Variants in ERCC6L2 observed in about 807,000 individuals in gnomAD.
ERCC6L2 encodes ERCC excision repair 6 like 2, also known as DNA excision repair protein ERCC-6-like 2.
Under a neutral mutation model 132.0 loss-of-function variants are expected in ERCC6L2, and 77 were observed. That is an observed-to-expected ratio of 0.58 (90% CI 0.49 to 0.71). The LOEUF is 0.71. Among genes scored for constraint, ERCC6L2 ranks in the 30% least tolerant of loss-of-function variants. The probability of loss-of-function intolerance (pLI) is 0.00; values close to 1 mark genes in which losing one functional copy is unlikely to be tolerated. For missense variants in ERCC6L2, 1,542 were observed against 1,837.6 expected (o/e 0.84, Z 2.94); for synonymous variants, 583 against 632.4 (o/e 0.92, Z 1.17).
intron 17 of ERCC6L2, 144 bp downstream of exon 17, chr9:95,978,359 A>G (rs1832759873): frequency 9.8e-6 from 4 of 409,790 alleles, no homozygotes; most frequent in South Asian, 8.6e-5. Context: ...TCAAAACACC[A>G]TTTGGGAACT....
chr9:95,930,125 T>A (rs1830272772), intron 11 of ERCC6L2, among the ~76,000 whole-genome samples: 1 of 152,166 alleles, frequency 6.6e-6, no homozygotes, highest in African/African-American at 2.4e-5. Context: ...CTCTTGCTTA[T>A]GGTTGATAGT....
chr9:96,004,642 A>T lies in ERCC6L2; in HGVS notation c.3615A>T (p.Lys1205Asn). 7.5e-7 allele frequency: 1 copy of T among 1,335,608 alleles called. No homozygotes were observed. Among genetic ancestry groups the T allele is most frequent in the Non-Finnish European group, 1.0e-6 (1 of 1,004,648 alleles). The allele number at this position is 1,335,608 out of a possible 1,614,324, so 82.7% of individuals were successfully genotyped here. A position where few individuals can be genotyped will look rare whatever the true frequency, so the allele number is the denominator to read the frequency against. Residue 1205 changes from lysine (K) to asparagine (N), a missense_variant, in exon 18 of 19, where the codon AAA (lysine) becomes AAT (asparagine). Coordinates refer to ENST00000653738, the MANE Select transcript of ERCC6L2 (RefSeq NM_020207.7). ...ATCCTGTAAACCAGAAGAAGAAAAA[A>T]GTCTACCATACAAACCAGACCACCT... ...ISNPVNQKKK[K>N]VYHTNQTTFI...
intron 3 of ERCC6L2, among the ~76,000 whole-genome samples, chr9:95,899,636 A>G (rs979726217): frequency 6.5e-4 from 72 of 111,206 alleles, no homozygotes; most frequent in South Asian, 2.3e-3. Flanking sequence ...GTGTGTGCGT[A>G]TGTATGCATA....
At chr9:95,890,223 A>G (rs1828087277) in intron 2 of ERCC6L2, among the ~76,000 whole-genome samples, 1 of 152,084 alleles carries the variant, frequency 6.6e-6, no homozygotes, top group Non-Finnish European at 1.5e-5. Context: ...TAATAAATAT[A>G]TTTTTATTGA....
At chr9:95,978,020 TA>T in intron 16 of ERCC6L2, 40 bp from the exon 17 acceptor site, 1 of 1,315,662 alleles carries the variant, frequency 7.6e-7, no homozygotes, top group Non-Finnish European at 1.0e-6. Flanking sequence ...CATATTGCTT[TA>T]TACTGATACA....
chr9:95,917,020 AG>A (rs1829631208), intron 6 of ERCC6L2, among the ~76,000 whole-genome samples: 1 of 152,144 alleles, frequency 6.6e-6, no homozygotes. Context: ...TCCCCAGTAA[AG>A]AAGGAAGAGC....
In ERCC6L2 at chr9:96,014,350, G is replaced by C. The variant is rs1182282530; in HGVS notation, c.*1147G>C. 6.6e-6 allele frequency: 1 copy of C among 152,216 alleles called. No individual in the cohort carries two copies. Among genetic ancestry groups the C allele is most frequent in the Non-Finnish European group, 1.5e-5 (1 of 68,044 alleles). The allele number at this position is 152,216 out of a possible 1,614,324, so 9.4% of individuals were successfully genotyped here. ...TGCTAAAGAGCACTGCTATCAAGTT[G>C]AGGAGAGAGGGCTTCCGTGTACTCA... is the stretch of plus-strand genomic sequence containing the variant. On this transcript the variant is annotated 3_prime_UTR_variant, in exon 19 of 19. Transcript: ENST00000653738.
Position 95,943,495 on chromosome 9 carries a change from G to A in ERCC6L2, c.1847+1946G>A, listed in dbSNP as rs1388345730. 2.0e-5 allele frequency among the ~76,000 whole-genome samples: 3 copies of A among 151,872 alleles called. No homozygotes were observed. The South Asian group carries it at 6.2e-4, about 32-fold the overall frequency. On this transcript the variant is annotated intron_variant, in intron 12 of 18. Transcript: ENST00000653738. ...ATTCTGTTTATGTAGATGTAGAATGGGACTCAACATTCTACGTTTTAAAAA... is the reference window on the plus strand; with the variant it reads ...ATTCTGTTTATGTAGATGTAGAATGAGACTCAACATTCTACGTTTTAAAAA...
In ERCC6L2 at chr9:96,004,612, T is replaced by G. The variant is rs777543357; in HGVS notation, c.3585T>G (p.Ile1195Met). 4 of 1,319,178 alleles carry G rather than the reference T, an allele frequency of 3.0e-6. No homozygotes were observed. The highest frequency in any genetic ancestry group is 3.0e-6 in the Non-Finnish European group (3 of 995,814). The allele number at this position is 1,319,178 out of a possible 1,614,324, so 81.7% of individuals were successfully genotyped here. ...SEGSISLPLY[I>M]SNPVNQKKKK... ...GCAGCATTTCACTTCCTCTTTACAT[T>G]TCAAATCCTGTAAACCAGAAGAAGA... The change falls in exon 18 of 19, where the codon ATT (isoleucine) becomes ATG (methionine). Residue 1195 changes from isoleucine to methionine, a missense_variant. By Grantham distance (10) the Ile-to-Met change is conservative (BLOSUM62 1). This residue lies in a region of ERCC6L2 where 442 missense variants were observed against 583.4 expected (regional missense o/e 0.76). Coordinates refer to ENST00000653738, the MANE Select transcript of ERCC6L2 (RefSeq NM_020207.7).
At chr9:95,917,617 T>C (rs1191719831) in intron 6 of ERCC6L2, among the ~76,000 whole-genome samples, 1 of 152,234 alleles carries the variant, frequency 6.6e-6, no homozygotes, top group Non-Finnish European at 1.5e-5. Flanking sequence ...TGCAACTTCA[T>C]ATATGTGATT....
At chr9:95,975,770 C>G (rs955211405) in intron 16 of ERCC6L2, among the ~76,000 whole-genome samples, 1 of 151,848 alleles carries the variant, frequency 6.6e-6, no homozygotes, top group Admixed American at 6.5e-5. Context: ...TTTATCTGTT[C>G]ATTTTGTTTT....
chr9:95,970,551 G>A (rs1335908655), intron 14 of ERCC6L2, 25 bp from the exon 15 acceptor site: 1 of 1,281,728 alleles, frequency 7.8e-7, no homozygotes, highest in East Asian at 5.7e-5. Flanking sequence ...ATAGCTATTT[G>A]CATTCTTTCT....
downstream of ERCC6L2, chr9:96,021,144 C>G (rs1022107641): frequency 7.9e-5 from 30 of 380,430 alleles, no homozygotes; most frequent in Non-Finnish European, 1.6e-4. The surrounding 1 kb of genome is among the most constrained non-coding windows in gnomAD (Gnocchi z 4.7). Context: ...CCCCGCGGGC[C>G]AAGTGTCGGG....
rs557501173 is a variant in ERCC6L2, at chr9:96,030,827, A to G, written c.*1504-8049A>G. On this transcript the variant is annotated intron_variant and NMD_transcript_variant, in intron 19 of 20. Coordinates refer to the ERCC6L2 transcript ENST00000670016. ...ACAACTGGGGCCCACAGGACAGCCC[A>G]GGGCACACCTCATGTATTCAAGCCA... Among the ~76,000 whole-genome samples, 151 of 152,116 alleles carry G rather than the reference A, an allele frequency of 9.9e-4. 1 individual carries two copies. Among genetic ancestry groups the G allele is most frequent in the Admixed American group, 5.1e-3 (78 of 15,286 alleles).
In ERCC6L2 at chr9:95,955,986, C is replaced by A. The variant is rs2132985620; in HGVS notation, c.1920C>A (p.Ile640=). 6.2e-7 allele frequency: 1 copy of A among 1,605,810 alleles called. No homozygotes were observed. The highest frequency in any genetic ancestry group is 8.5e-7 in the Non-Finnish European group (1 of 1,175,100). The part of the protein sequence containing the change: ...RLISLGTVEE[I]MYLRQIYKQQ... ...TATCCTTGGGAACTGTGGAGGAAATCATGTATTTACGACAGATATACAAGC... is the reference window on the plus strand; with the variant it reads ...TATCCTTGGGAACTGTGGAGGAAATAATGTATTTACGACAGATATACAAGC... The change falls in exon 13 of 19, where the codon ATC becomes ATA. Residue 640 remains isoleucine, a synonymous_variant. Coordinates refer to ENST00000653738, the MANE Select transcript of ERCC6L2 (RefSeq NM_020207.7).
intron 13 of ERCC6L2, among the ~76,000 whole-genome samples, chr9:95,962,925 G>A (rs755876358): frequency 2.0e-4 from 30 of 152,108 alleles, no homozygotes; most frequent in Non-Finnish European, 3.2e-4. Flanking sequence ...TACCTAGAAG[G>A]ATGCACCTAA....
chr9:95,980,556 GAA>G (rs913873417), intron 17 of ERCC6L2, among the ~76,000 whole-genome samples: 1 of 151,966 alleles, frequency 6.6e-6, no homozygotes, highest in African/African-American at 2.4e-5. Flanking sequence ...GAATTTCTGA[GAA>G]AAAAGTGTTC....
At chr9:95,976,572 C>T (rs1041731679) in intron 16 of ERCC6L2, among the ~76,000 whole-genome samples, 26 of 152,208 alleles carry the variant, frequency 1.7e-4, no homozygotes, top group African/African-American at 6.0e-4. Context: ...GATACTGAAA[C>T]CATGCAGAGT....
intron 13 of ERCC6L2, among the ~76,000 whole-genome samples, chr9:95,957,915 T>C (rs528339798): frequency 2.0e-5 from 3 of 151,930 alleles, no homozygotes; most frequent in African/African-American, 7.2e-5. Context: ...TTGGGATACA[T>C]GTGCACAATG....
Sources: allele counts gnomAD v4.1 joint callset (sites outside exome capture counted in the v4.1 genomes callset), GRCh38; gene constraint gnomAD v4.1.1; regional missense constraint gnomAD v4.1.1; non-coding constraint Gnocchi (gnomAD v3.1); transcripts MANE v1.5; gene names NCBI Gene and HGNC (gene_info 2026-07-23, HGNC 2026-07-21).